ASB11: variants seen among roughly 807,000 people sequenced by gnomAD.
The protein encoded by ASB11 is ankyrin repeat and SOCS box containing 11, also known as ankyrin repeat and SOCS box protein 11.
ASB11 carries 17 observed loss-of-function variants against 20.1 expected under a neutral mutation model. That is an observed-to-expected ratio of 0.85 (90% CI 0.58 to 1.27). ASB11 has a LOEUF of 1.27. ASB11 is among the 50% of genes most tolerant of loss of function. The probability of loss-of-function intolerance (pLI) is 0.00; values close to 1 mark genes in which losing one functional copy is unlikely to be tolerated. For synonymous variants in ASB11, 107 were observed against 105.6 expected (o/e 1.01, Z -0.08); for missense variants, 259 against 256.9 (o/e 1.01, Z -0.06).
intron 6 of ASB11, among the ~76,000 whole-genome samples, chrX:15,284,171 G>C (rs1293563899): frequency 3.9e-5 from 4 of 103,831 alleles, no homozygotes; most frequent in Admixed American, 1.1e-4. Flanking sequence ...AGAATGGCGT[G>C]AACCCGGGAG....
chrX:15,292,333 G>A (rs1927556467), intron 4 of ASB11, among the ~76,000 whole-genome samples: 1 of 111,955 alleles, frequency 8.9e-6, no homozygotes, highest in Admixed American at 9.5e-5. Flanking sequence ...CACCAGCAAA[G>A]ATCACTATTC....
chrX:15,306,435 A>T (rs1347977511), intron 1 of ASB11, among the ~76,000 whole-genome samples: 2 of 112,008 alleles, frequency 1.8e-5, no homozygotes, highest in African/African-American at 6.5e-5. Flanking sequence ...GGCCGGGTGC[A>T]GTGGCTCACG....
chrX:15,291,598 G>A (rs1019464929), intron 4 of ASB11, among the ~76,000 whole-genome samples: 8 of 108,762 alleles, frequency 7.4e-5, no homozygotes, highest in African/African-American at 1.3e-4. Context: ...TCTCAGCTAC[G>A]TGGGAGGCTG....
In ASB11 at chrX:15,284,175, C is replaced by A. The variant is rs1224406170; in HGVS notation, c.848-546G>T. 2.9e-5 allele frequency among the ~76,000 whole-genome samples: 3 copies of A among 104,851 alleles called. No homozygotes were observed. The East Asian group carries it at 9.0e-4, about 32-fold the overall frequency. The allele number at this position is 104,851 out of a possible 115,157, so 91.1% of individuals were successfully genotyped here. ...GCTGAGGCAGGAGAATGGCGTGAACCCGGGAGGCGGAGCTTGCAGTGAGCC... is the reference window on the plus strand; with the variant it reads ...GCTGAGGCAGGAGAATGGCGTGAACACGGGAGGCGGAGCTTGCAGTGAGCC... On this transcript the variant is annotated intron_variant, in intron 6 of 6. Coordinates refer to ENST00000480796, the MANE Select transcript of ASB11 (RefSeq NM_080873.3).
At chrX:15,303,727 T>C (rs1921145204) in intron 1 of ASB11, among the ~76,000 whole-genome samples, 2 of 111,443 alleles carry the variant, frequency 1.8e-5, no homozygotes, top group African/African-American at 6.5e-5. Flanking sequence ...CCAGTTTCCT[T>C]ACTGGTAAGA....
At position 15,283,440 on chromosome X, in the gene ASB11, G is replaced by A; in HGVS notation, c.*65C>T. On this transcript the variant is annotated 3_prime_UTR_variant, in exon 7 of 7. Coordinates refer to ENST00000480796, the MANE Select transcript of ASB11 (RefSeq NM_080873.3). ...TCTAAGCTGTTGAGCTTCTACATTA[G>A]GTACTCTAGGTACAGCAGACAACAA... The A allele has an allele frequency of 8.5e-7, 1 of 1,170,737 alleles. No individual in the cohort carries two copies. Among genetic ancestry groups the A allele is most frequent in the Non-Finnish European group, 1.2e-6 (1 of 860,079 alleles).
intron 6 of ASB11, among the ~76,000 whole-genome samples, chrX:15,287,412 C>T (rs1057397553): frequency 4.4e-5 from 5 of 112,743 alleles, no homozygotes; most frequent in Admixed American, 9.3e-5. Context: ...TCGCAACCTC[C>T]GCCTCCCAGG....
chrX:15,308,610 A>G (rs766603679), intron 1 of ASB11, among the ~76,000 whole-genome samples: 9 of 111,824 alleles, frequency 8.0e-5, no homozygotes, highest in South Asian at 3.8e-4. Context: ...TGCTTTGCTG[A>G]ATGGTAACAC....
chrX:15,283,525 G>A lies in ASB11; in HGVS notation c.952C>T (p.Arg318Ter), dbSNP rs1188558368. The A allele has an allele frequency of 4.1e-6, 5 of 1,211,118 alleles. No individual in the cohort carries two copies. Among genetic ancestry groups the A allele is most frequent in the South Asian group, 3.5e-5 (2 of 56,927 alleles). ...HKLHLPEPLE[R>*]FLLYQ is the part of the protein sequence containing the mutation. The stretch of plus-strand genomic sequence containing the variant: ...TAGGACTATTGGTATAGGAGGAATC[G>A]TTCGAGTGGCTCTGGCAGATGTAGC... The change falls in exon 7 of 7, where the codon CGA (arginine) becomes TGA (stop). Residue 318 changes from arginine to a stop codon, truncating the protein, a stop_gained. Coordinates refer to ENST00000480796, the MANE Select transcript of ASB11 (RefSeq NM_080873.3). LOFTEE classifies it high-confidence loss of function.
chrX:15,285,521 C>T (rs6527420), intron 6 of ASB11, among the ~76,000 whole-genome samples: 18,670 of 110,414 alleles, frequency 0.17, 1,317 homozygotes, highest in East Asian at 0.39. Flanking sequence ...ATATCCAGGT[C>T]TACAAATCCT....
At chrX:15,286,589 C>T (rs1359292666) in intron 6 of ASB11, among the ~76,000 whole-genome samples, 6 of 102,159 alleles carry the variant, frequency 5.9e-5, no homozygotes, top group Admixed American at 1.1e-4. Context: ...CGCTTGAACC[C>T]GGGAGGCAGA....
rs73447235 is a variant in ASB11 at position 15,290,326 on chromosome X, T to C, written c.521-688A>G. Among the ~76,000 whole-genome samples, 121 of 111,774 alleles carry C rather than the reference T, an allele frequency of 1.1e-3. 1 individual carries two copies. Among genetic ancestry groups the C allele is most frequent in the African/African-American group, 3.7e-3 (113 of 30,782 alleles). On this transcript the variant is annotated intron_variant, in intron 4 of 6. Transcript: ENST00000480796. ...TAGGCCTATTATTACTCTGAAAAGC[T>C]AGTGCTCAAACCCAAGAGAACCCTG...
At chrX:15,285,414 C>G in intron 6 of ASB11, among the ~76,000 whole-genome samples, 1 of 110,066 alleles carries the variant, frequency 9.1e-6, no homozygotes, top group Non-Finnish European at 1.9e-5. Context: ...GCTGGGATTA[C>G]AGGTGTGAGC....
At chrX:15,311,096 A>C (rs1463534219) in intron 1 of ASB11, among the ~76,000 whole-genome samples, 4 of 113,121 alleles carry the variant, frequency 3.5e-5, no homozygotes, top group Non-Finnish European at 5.6e-5. Flanking sequence ...GCAAGAGCCT[A>C]GCAGAATTAA....
rs1921112597 is a variant in ASB11 at position 15,302,781 on chromosome X, G to A, written c.208C>T (p.His70Tyr). Reference protein sequence around the residue: ...SDCWADRSPLHEAAAQGRLLA... With the variant: ...SDCWADRSPLYEAAAQGRLLA... ...AAGCGCCCCTGAGCTGCAGCTTCAT[G>A]AAGTGGGGATCGATCAGCCCAGCAA... The change falls in exon 2 of 7, where the codon CAT becomes TAT. Residue 70 changes from histidine to tyrosine, a missense_variant. Coordinates refer to ENST00000480796, the MANE Select transcript of ASB11 (RefSeq NM_080873.3). The A allele has an allele frequency of 1.7e-6, 2 of 1,211,110 alleles. No individual in the cohort carries two copies. Among genetic ancestry groups the A allele is most frequent in the Admixed American group, 4.3e-5 (2 of 46,040 alleles).
At chrX:15,292,956 T>C (rs1309002861) in intron 4 of ASB11, among the ~76,000 whole-genome samples, 1 of 112,041 alleles carries the variant, frequency 8.9e-6, no homozygotes, top group Non-Finnish European at 1.9e-5. Context: ...CAGGAAAGCA[T>C]TCCGAAGTTA....
At chrX:15,290,617 G>T (rs1927508583) in intron 4 of ASB11, among the ~76,000 whole-genome samples, 1 of 112,096 alleles carries the variant, frequency 8.9e-6, no homozygotes, top group Admixed American at 9.5e-5. Flanking sequence ...TCAGGAGAGA[G>T]TGCTTCTGAG....
chrX:15,289,298 A>G (rs1927468887), intron 5 of ASB11, among the ~76,000 whole-genome samples: 1 of 112,774 alleles, frequency 8.9e-6, no homozygotes, highest in Admixed American at 9.4e-5. Flanking sequence ...ACCAGGGAGA[A>G]CAATACCAGG....
chrX:15,315,510 C>A lies in ASB11; in HGVS notation c.96G>T (p.Leu32Phe). The change falls in exon 1 of 7, where the codon TTG becomes TTT. Residue 32 changes from leucine (L) to phenylalanine (F), a missense_variant. Leu to Phe is a conservative substitution (Grantham distance 22, BLOSUM62 0). Coordinates refer to ENST00000480796, the MANE Select transcript of ASB11 (RefSeq NM_080873.3). ...CGATATAGAAATGGGTTAGGAGAGC[C>A]AAAAAAACTTTAATTAAAAGCTTAA... ...FFFKLLIKVF[L>F]ALLTHFYIVK... The A allele has an allele frequency of 2.5e-6, 3 of 1,185,532 alleles. No homozygotes were observed. Among genetic ancestry groups the A allele is most frequent in the South Asian group, 1.9e-5 (1 of 52,195 alleles).
Sources: allele counts gnomAD v4.1 joint callset (sites outside exome capture counted in the v4.1 genomes callset), GRCh38; gene constraint gnomAD v4.1.1; transcripts MANE v1.5; gene names NCBI Gene and HGNC (gene_info 2026-07-23, HGNC 2026-07-21).